The following SCTR variants were observed in gnomAD, a reference collection of about 807,000 sequenced individuals.
SCTR encodes secretin receptor.
In SCTR, 56 loss-of-function variants were observed where a neutral mutation model predicts 60.8. The observed-to-expected ratio is 0.92, with a 90% CI of 0.74 to 1.15. SCTR has a LOEUF of 1.15. Among genes scored for constraint, SCTR ranks in the 50% most tolerant of loss-of-function variants. SCTR has a pLI of 0.00. For synonymous variants in SCTR, 202 were observed against 217.0 expected (o/e 0.93, Z 0.61); for missense variants, 562 against 550.4 (o/e 1.02, Z -0.21).
At chr2:119,458,558 G>C (rs1232462480) in intron 7 of SCTR, among the ~76,000 whole-genome samples, 1 of 149,366 alleles carries the variant, frequency 6.7e-6, no homozygotes, top group Non-Finnish European at 1.5e-5. Context: ...CCCAGATTGC[G>C]CCACTGCACT....
At chr2:119,445,390 G>T (rs1406059017) in intron 11 of SCTR, among the ~76,000 whole-genome samples, 1 of 152,204 alleles carries the variant, frequency 6.6e-6, no homozygotes, top group Non-Finnish European at 1.5e-5. Context: ...TTCTCTGGAG[G>T]TCTGGGGCAC....
intron 7 of SCTR, among the ~76,000 whole-genome samples, chr2:119,461,514 C>T (rs2104797954): frequency 6.6e-6 from 1 of 152,294 alleles, no homozygotes; most frequent in East Asian, 1.9e-4. Context: ...GAGTTCAAAA[C>T]TAGTCTGACC....
intron 12 of SCTR, 58 bp downstream of exon 12, chr2:119,441,499 AC>A: frequency 7.1e-7 from 1 of 1,415,514 alleles, no homozygotes; most frequent in Non-Finnish European, 9.9e-7. Flanking sequence ...GCTCCTTCTG[AC>A]CCGGAAACCA....
intron 5 of SCTR, 44 bp downstream of exon 5, chr2:119,465,739 TCTGTAC>T: frequency 7.8e-7 from 1 of 1,280,568 alleles, no homozygotes; most frequent in Non-Finnish European, 1.1e-6. Flanking sequence ...AGACCCAAAG[TCTGTAC>T]CTGAGGAGGG....
intron 9 of SCTR, 110 bp from the exon 10 acceptor site, chr2:119,448,890 G>A: frequency 1.5e-6 from 1 of 648,352 alleles, no homozygotes; most frequent in South Asian, 1.8e-5. Flanking sequence ...AGACACCACA[G>A]CCAGGATGGC....
intron 4 of SCTR, 135 bp downstream of exon 4, chr2:119,473,318 G>C (rs2104830052): frequency 3.2e-6 from 2 of 627,976 alleles, no homozygotes; most frequent in Non-Finnish European, 5.7e-6. Context: ...ATGGGGACAG[G>C]GGGTAGCCCT....
chr2:119,501,807 AT>A (rs1190154361), intron 1 of SCTR, among the ~76,000 whole-genome samples: 1 of 152,238 alleles, frequency 6.6e-6, no homozygotes, highest in Non-Finnish European at 1.5e-5. Flanking sequence ...CTATTTGCAG[AT>A]AACATGACTG....
At chr2:119,478,963 G>C (rs1184030602) in intron 2 of SCTR, 45 bp from the exon 3 acceptor site, 1 of 1,611,926 alleles carries the variant, frequency 6.2e-7, no homozygotes, top group Non-Finnish European at 8.5e-7. Flanking sequence ...GATGGACCGA[G>C]GGCTGCCCTA....
At chr2:119,502,083 C>T (rs988349249) in intron 1 of SCTR, among the ~76,000 whole-genome samples, 1 of 151,978 alleles carries the variant, frequency 6.6e-6, no homozygotes, top group African/African-American at 2.4e-5. Context: ...TGTCAAAACC[C>T]CATTTCTACA....
At chr2:119,458,600 CA>C (rs35957538) in intron 7 of SCTR, among the ~76,000 whole-genome samples, 36,859 of 134,332 alleles carry the variant, frequency 0.27, 5,463 homozygotes, top group African/African-American at 0.45. Flanking sequence ...GACTCTCTCT[CA>C]AAAAAAAAAA....
rs557011875 is a variant in SCTR, at chr2:119,524,199, G to C, written c.28C>G (p.Gln10Glu). Reference sequence around the variant, plus strand: ...AGCAGCACCGGCAGTAGTAGCTGCTGCAGCGGCGGCGACAGGTGGGGACGC... The same window carrying C: ...AGCAGCACCGGCAGTAGTAGCTGCTCCAGCGGCGGCGACAGGTGGGGACGC... MRPHLSPPL[Q>E]QLLLPVLLAC... The change falls in exon 1 of 13, where the codon CAG becomes GAG. Residue 10 changes from glutamine (Q) to glutamate (E), a missense_variant. Transcript: ENST00000019103. 75 of 1,520,642 alleles carry C rather than the reference G, an allele frequency of 4.9e-5. No individual in the cohort carries two copies. The African/African-American group carries it at 9.0e-4, about 18-fold the overall frequency. 94.2% of individuals were successfully genotyped at this position (1,520,642 alleles called of 1,614,324 possible).
intron 7 of SCTR, 134 bp downstream of exon 7, chr2:119,461,713 A>AT: frequency 2.8e-5 from 4 of 140,992 alleles, no homozygotes; most frequent in Admixed American, 9.3e-5. Flanking sequence ...CTCCAACTCA[A>AT]AAAAAAAAAA....
intron 4 of SCTR, among the ~76,000 whole-genome samples, chr2:119,466,897 C>T (rs1417780772): frequency 1.3e-5 from 2 of 152,206 alleles, no homozygotes; most frequent in African/African-American, 4.8e-5. Context: ...CCCAGAACCA[C>T]ATAGCTGAAA....
chr2:119,465,798 CAG>C lies in SCTR; in HGVS notation c.492_493del (p.Ala166PhefsTer38). ...GGCAGTGTGTTCTCACCGGAAAGCA[CAG>C]AGGATGCCAAGGGCGACCAGGAGCA... is the stretch of plus-strand genomic sequence containing the variant. On this transcript the variant is annotated frameshift_variant, in exon 5 of 13. Transcript: ENST00000019103. LOFTEE classifies it high-confidence loss of function. The C allele has an allele frequency of 6.2e-7, 1 of 1,612,106 alleles. No individual in the cohort carries two copies. The highest frequency in any genetic ancestry group is 1.1e-5 in the South Asian group (1 of 91,036).
chr2:119,488,322 C>G (rs909512321), intron 2 of SCTR, among the ~76,000 whole-genome samples: 2 of 152,246 alleles, frequency 1.3e-5, no homozygotes, highest in African/African-American at 4.8e-5. Flanking sequence ...GACACCACAG[C>G]TCTTGCAAAG....
At chr2:119,473,763 G>A (rs772144330) in intron 3 of SCTR, among the ~76,000 whole-genome samples, 31 of 152,152 alleles carry the variant, frequency 2.0e-4, no homozygotes, top group Non-Finnish European at 4.3e-4. Context: ...CAGAGCCCAA[G>A]CTCTTAAGCA....
In SCTR at chr2:119,445,655, G is replaced by A. The variant is rs566730308; in HGVS notation, c.1140+1104C>T. On this transcript the variant is annotated intron_variant, in intron 11 of 12. Transcript: ENST00000019103. ...GCCCTACCGTGGAAATGTCGTTAAG[G>A]ACTAAGTCCTTTAAAAAAAACTACT... Among the ~76,000 whole-genome samples, 165 of 152,282 alleles carry A rather than the reference G, an allele frequency of 1.1e-3. 1 individual carries two copies. Among genetic ancestry groups the A allele is most frequent in the Non-Finnish European group, 1.6e-3 (110 of 68,020 alleles).
chr2:119,512,334 C>CCTTCT (rs1678978478), intron 1 of SCTR, among the ~76,000 whole-genome samples: 10 of 80,508 alleles, frequency 1.2e-4, no homozygotes, highest in African/African-American at 3.0e-4. Flanking sequence ...CTTCCCCTTC[C>CCTTCT]CCTTCCCCTT....
chr2:119,500,395 C>A (rs1057295010), intron 1 of SCTR, among the ~76,000 whole-genome samples: 9 of 152,290 alleles, frequency 5.9e-5, no homozygotes, highest in Admixed American at 4.6e-4. Flanking sequence ...GAAAGGAAAT[C>A]AGTATGTCAA....
Sources: allele counts gnomAD v4.1 joint callset (sites outside exome capture counted in the v4.1 genomes callset), GRCh38; gene constraint gnomAD v4.1.1; transcripts MANE v1.5; gene names NCBI Gene and HGNC (gene_info 2026-07-23, HGNC 2026-07-21).